The following PTPRD variants were observed in gnomAD, a reference collection of about 807,000 sequenced individuals.
The protein encoded by PTPRD is protein tyrosine phosphatase receptor type D, also known as receptor-type tyrosine-protein phosphatase delta.
Under a neutral mutation model 214.5 loss-of-function variants are expected in PTPRD, and 34 were observed. The ratio of observed to expected loss-of-function variants is 0.16; its 90% CI spans 0.12 to 0.21. PTPRD has a LOEUF of 0.21. PTPRD is among the 10% of genes least tolerant of loss of function. The probability of loss-of-function intolerance (pLI) is 1.00; values close to 1 mark genes in which losing one functional copy is unlikely to be tolerated. For synonymous variants in PTPRD, 1,128 were observed against 845.7 expected, an observed-to-expected ratio of 1.33 and a Z score of -5.79; for missense variants, 2,545 against 2,398.7, an observed-to-expected ratio of 1.06 and a Z score of -1.27.
At chr9:8,931,269 T>G (rs1257808795) in intron 11 of PTPRD, among the ~76,000 whole-genome samples, 1 of 152,010 alleles carries the variant, frequency 6.6e-6, no homozygotes, top group African/African-American at 2.4e-5. Flanking sequence ...ATCAGATAGT[T>G]GTAGATGTGT....
chr9:8,544,164 C>CTTTTTTTTT (rs373194856), intron 14 of PTPRD, among the ~76,000 whole-genome samples: 22 of 111,124 alleles, frequency 2.0e-4, no homozygotes, highest in African/African-American at 3.3e-4. Flanking sequence ...TTTGCCATTA[C>CTTTTTTTTT]TTTTTTTTTT....
At chr9:8,731,861 A>G (rs1435607972) in intron 12 of PTPRD, among the ~76,000 whole-genome samples, 1 of 152,256 alleles carries the variant, frequency 6.6e-6, no homozygotes, top group Admixed American at 6.5e-5. Flanking sequence ...TTAGACAAGG[A>G]CAAAGCTAAT....
chr9:10,574,844 C>G (rs1001727848), intron 2 of PTPRD, among the ~76,000 whole-genome samples: 4 of 147,832 alleles, frequency 2.7e-5, no homozygotes, highest in African/African-American at 9.9e-5. Context: ...CTTAGATTCT[C>G]TTTCTTCCCC....
chr9:9,818,289 A>G (rs2049437158), intron 5 of PTPRD, among the ~76,000 whole-genome samples: 2 of 152,150 alleles, frequency 1.3e-5, no homozygotes, highest in Non-Finnish European at 2.9e-5. Flanking sequence ...CATAGCTGCC[A>G]ATGTGTAAAA....
At chr9:9,844,474 C>G (rs1424356298) in intron 5 of PTPRD, among the ~76,000 whole-genome samples, 1 of 151,866 alleles carries the variant, frequency 6.6e-6, no homozygotes, top group African/African-American at 2.4e-5. Flanking sequence ...TCAAAGGGAA[C>G]AATTGATTTT....
At chr9:9,752,885 T>A (rs1401915742) in intron 6 of PTPRD, among the ~76,000 whole-genome samples, 1 of 152,020 alleles carries the variant, frequency 6.6e-6, no homozygotes, top group Non-Finnish European at 1.5e-5. Flanking sequence ...CATTATATAA[T>A]AAAACACACA....
At chr9:9,024,354 T>TTTG (rs1554639617) in intron 10 of PTPRD, among the ~76,000 whole-genome samples, 10 of 127,888 alleles carry the variant, frequency 7.8e-5, no homozygotes, top group East Asian at 4.3e-4. Flanking sequence ...TTTTGTTTGT[T>TTTG]TTTTTTTTTT....
chr9:10,363,991 G>GTTTTTGTTTTTTTTTTTTTT (rs1555222212), intron 2 of PTPRD, among the ~76,000 whole-genome samples: 1 of 35,132 alleles, frequency 2.8e-5, no homozygotes, highest in Non-Finnish European at 5.5e-5. Flanking sequence ...ACATTTTCGG[G>GTTTTTGTTTTTTTTTTTTTT]TTTTTTTTTT....
chr9:9,842,595 G>C lies in PTPRD; in HGVS notation c.-367-75744C>G, dbSNP rs2058596718. Among the ~76,000 whole-genome samples the C allele has an allele frequency of 2.0e-5, 3 of 151,496 alleles. No homozygotes were observed. In the South Asian group the frequency reaches 6.3e-4, roughly 32 times the overall value. On this transcript the variant is annotated intron_variant, in intron 5 of 45. Coordinates refer to ENST00000381196, the MANE Select transcript of PTPRD (RefSeq NM_002839.4). ...AAAACTAGTATCGTTGTTAAAACCTGATATTCTGATTATGAAGAAAACTGT... is the reference window on the plus strand; with the variant it reads ...AAAACTAGTATCGTTGTTAAAACCTCATATTCTGATTATGAAGAAAACTGT...
intron 30 of PTPRD, 24 bp downstream of exon 30, chr9:8,484,095 G>C (rs1226221456): frequency 1.2e-6 from 2 of 1,606,666 alleles, no homozygotes; most frequent in African/African-American, 2.7e-5. Context: ...CTTTCCTTCA[G>C]CCCTAAGCCT....
rs370483936 is a variant in PTPRD, at chr9:8,804,327, G to C, written c.-103-70381C>G. 7.6e-4 allele frequency among the ~76,000 whole-genome samples: 115 copies of C among 152,054 alleles called. 1 individual carries two copies. Among genetic ancestry groups the C allele is most frequent in the African/African-American group, 2.4e-3 (99 of 41,470 alleles). On this transcript the variant is annotated intron_variant, in intron 11 of 45. Coordinates refer to ENST00000381196, the MANE Select transcript of PTPRD (RefSeq NM_002839.4). Reference sequence around the variant, plus strand: ...TCCTTATTTATATTGACCAAGCACAGTGGCTCACACTTGCAATCCCAGCAT... The same window carrying C: ...TCCTTATTTATATTGACCAAGCACACTGGCTCACACTTGCAATCCCAGCAT...
At chr9:9,928,302 T>G (rs777500803) in intron 5 of PTPRD, among the ~76,000 whole-genome samples, 2 of 152,168 alleles carry the variant, frequency 1.3e-5, no homozygotes, top group Non-Finnish European at 2.9e-5. Context: ...TTAAATTTCA[T>G]ACCACATTAT....
intron 3 of PTPRD, among the ~76,000 whole-genome samples, chr9:10,188,007 T>C (rs2099345843): frequency 6.6e-6 from 1 of 152,210 alleles, no homozygotes; most frequent in African/African-American, 2.4e-5. Flanking sequence ...GTCTCTACAA[T>C]TGAGGTCCAA....
At chr9:9,787,101 C>T (rs544867165) in intron 5 of PTPRD, among the ~76,000 whole-genome samples, 2 of 151,792 alleles carry the variant, frequency 1.3e-5, no homozygotes, top group South Asian at 2.1e-4. Flanking sequence ...CGCACCACTA[C>T]ACTCCAGCCT....
intron 34 of PTPRD, chr9:8,438,847 C>A (rs376635455): frequency 6.6e-6 from 1 of 151,776 alleles, no homozygotes; most frequent in African/African-American, 2.4e-5. Flanking sequence ...CAGTTGGAGA[C>A]GGGAAAAGTA....
At chr9:10,514,855 T>C (rs1430440611) in intron 2 of PTPRD, among the ~76,000 whole-genome samples, 1 of 152,012 alleles carries the variant, frequency 6.6e-6, no homozygotes, top group Non-Finnish European at 1.5e-5. Context: ...AACATACATG[T>C]TTACATAGTA....
intron 5 of PTPRD, among the ~76,000 whole-genome samples, chr9:9,908,677 G>C (rs530036593): frequency 3.8e-4 from 58 of 152,078 alleles, no homozygotes; most frequent in Middle Eastern, 3.4e-3. Context: ...TAATATGTGA[G>C]TTTTCTGTTC....
intron 3 of PTPRD, among the ~76,000 whole-genome samples, chr9:10,036,525 C>T (rs2097184598): frequency 7.0e-6 from 1 of 143,316 alleles, no homozygotes; most frequent in Admixed American, 7.1e-5. Context: ...CACACACACA[C>T]ACACACACAA....
At chr9:9,314,646 T>C (rs1417191471) in intron 9 of PTPRD, among the ~76,000 whole-genome samples, 1 of 152,032 alleles carries the variant, frequency 6.6e-6, no homozygotes, top group Non-Finnish European at 1.5e-5. Flanking sequence ...AGGTAATAAA[T>C]GCCTGTTCAA....
Sources: allele counts gnomAD v4.1 joint callset (sites outside exome capture counted in the v4.1 genomes callset), GRCh38; gene constraint gnomAD v4.1.1; transcripts MANE v1.5; gene names NCBI Gene and HGNC (gene_info 2026-07-23, HGNC 2026-07-21).